MTREX: variants seen among roughly 807,000 people sequenced by gnomAD.
MTREX encodes the protein exosome RNA helicase MTR4.
MTREX carries 76 observed loss-of-function variants against 135.4 expected under a neutral mutation model. That is an observed-to-expected ratio of 0.56 (90% CI 0.47 to 0.68). MTREX has a LOEUF of 0.68. Among genes scored for constraint, MTREX ranks in the 30% least tolerant of loss-of-function variants. The pLI is 0.00. For missense variants in MTREX, 920 were observed against 1,262.1 expected (o/e 0.73, Z 4.11); for synonymous variants, 404 against 401.6 (o/e 1.01, Z -0.07).
intron 5 of MTREX, among the ~76,000 whole-genome samples, chr5:55,334,972 A>C (rs1749532037): frequency 6.6e-6 from 1 of 152,022 alleles, no homozygotes; most frequent in African/African-American, 2.4e-5. Context: ...CCAGTAATGT[A>C]TGAGGGTGCC....
At chr5:55,385,980 T>G (rs1750472724) in intron 18 of MTREX, among the ~76,000 whole-genome samples, 1 of 152,162 alleles carries the variant, frequency 6.6e-6, no homozygotes. Flanking sequence ...ATGGTGAAAC[T>G]AATTTTTCCA....
chr5:55,392,188 T>G (rs1750580799), intron 19 of MTREX, among the ~76,000 whole-genome samples: 1 of 152,132 alleles, frequency 6.6e-6, no homozygotes, highest in Non-Finnish European at 1.5e-5. Flanking sequence ...GGTCTCTGCT[T>G]GGTTAGTTTA....
intron 15 of MTREX, among the ~76,000 whole-genome samples, chr5:55,361,387 T>C (rs1364934092): frequency 2.0e-5 from 3 of 152,228 alleles, no homozygotes; most frequent in South Asian, 2.1e-4. Context: ...GCAAAATACA[T>C]GTGTTTGTTG....
chr5:55,357,990 A>G (rs1178156276), intron 14 of MTREX, among the ~76,000 whole-genome samples: 5 of 152,234 alleles, frequency 3.3e-5, no homozygotes, highest in Non-Finnish European at 1.5e-5. Context: ...AAAGTTAATT[A>G]TGATCAAGTC....
intron 16 of MTREX, 42 bp downstream of exon 16, chr5:55,366,917 G>GCT: frequency 1.4e-6 from 2 of 1,449,050 alleles, no homozygotes; most frequent in Non-Finnish European, 1.9e-6. Context: ...GTAGCTAGGA[G>GCT]ACTGACTAGC....
intron 16 of MTREX, among the ~76,000 whole-genome samples, chr5:55,371,141 T>C (rs1260635397): frequency 6.6e-6 from 1 of 152,092 alleles, no homozygotes; most frequent in Non-Finnish European, 1.5e-5. Flanking sequence ...TAAATGAGGG[T>C]TTGAATCAAG....
chr5:55,345,784 C>T, intron 10 of MTREX, among the ~76,000 whole-genome samples: 1 of 150,858 alleles, frequency 6.6e-6, no homozygotes, highest in Non-Finnish European at 1.5e-5. Flanking sequence ...TCTCCTGCCT[C>T]AGCCTCCCAA....
At chr5:55,377,176 A>T (rs1750317075) in intron 16 of MTREX, among the ~76,000 whole-genome samples, 1 of 152,012 alleles carries the variant, frequency 6.6e-6, no homozygotes, top group Non-Finnish European at 1.5e-5. Context: ...AAAATACAAA[A>T]ATTAGCTGGG....
chr5:55,348,068 C>T (rs1749767643), intron 11 of MTREX, among the ~76,000 whole-genome samples: 1 of 152,132 alleles, frequency 6.6e-6, no homozygotes. Context: ...TGGGTGGGGA[C>T]ACAGAGCCAA....
chr5:55,367,513 A>G (rs1466709505), intron 16 of MTREX, among the ~76,000 whole-genome samples: 2 of 151,852 alleles, frequency 1.3e-5, no homozygotes, highest in Middle Eastern at 3.4e-3. Context: ...GCACATGCCT[A>G]TTAGCCTTGT....
At chr5:55,313,904 A>G (rs1749156855) in intron 1 of MTREX, among the ~76,000 whole-genome samples, 2 of 152,136 alleles carry the variant, frequency 1.3e-5, no homozygotes, top group African/African-American at 4.8e-5. Context: ...TTCTTGTGCA[A>G]AAGGTAGCAT....
At chr5:55,356,513 C>A in intron 14 of MTREX, 1 of 202,106 alleles carries the variant, frequency 4.9e-6, no homozygotes, top group Non-Finnish European at 1.1e-5. Context: ...CCGTGTTTAC[C>A]ACCCACAAGT....
At position 55,425,347 on chromosome 5, in the gene MTREX, A is replaced by ATATT; in HGVS notation, c.*578_*581dup. Reference sequence around the variant, plus strand: ...ATACATATACAGCCTACAGTGCAAAATATTTAATGGTATAATTTAGATCAA... The same window carrying ATATT: ...ATACATATACAGCCTACAGTGCAAAATATTTATTTAATGGTATAATTTAGATCAA... On this transcript the variant is annotated 3_prime_UTR_variant, in exon 27 of 27. Transcript: ENST00000230640. 6.3e-7 allele frequency: 1 copy of ATATT among 1,579,682 alleles called. No individual in the cohort carries two copies. Among genetic ancestry groups the ATATT allele is most frequent in the South Asian group, 1.1e-5 (1 of 88,644 alleles).
chr5:55,322,337 G>A lies in MTREX; in HGVS notation c.145G>A (p.Asp49Asn). ...GSADKAGKRF[D>N]GKLQSESTNN... ...CTATTTACTTTTCAGGAAACGTTTT[G>A]ATGGTAAATTACAATCAGAATCAAC... The change falls in exon 2 of 27, where the codon GAT becomes AAT. Residue 49 changes from aspartate to asparagine, a missense_variant. Around this residue, in one of 6 missense-constraint regions of MTREX, gnomAD observed 136 missense variants for 126.7 expected, o/e 1.07. Coordinates refer to ENST00000230640, the MANE Select transcript of MTREX (RefSeq NM_015360.5). The A allele has an allele frequency of 1.3e-6, 2 of 1,598,474 alleles. No individual in the cohort carries two copies. Among genetic ancestry groups the A allele is most frequent in the Non-Finnish European group, 1.7e-6 (2 of 1,174,938 alleles).
chr5:55,315,540 GACA>G (rs200483018), intron 1 of MTREX, among the ~76,000 whole-genome samples: 2,946 of 151,938 alleles, frequency 0.019, 53 homozygotes, highest in Middle Eastern at 0.038. Context: ...TTTCGAGACA[GACA>G]ACAACAACAA....
chr5:55,369,812 A>G (rs1377625931), intron 16 of MTREX, among the ~76,000 whole-genome samples: 1 of 152,196 alleles, frequency 6.6e-6, no homozygotes, highest in African/African-American at 2.4e-5. Flanking sequence ...GCCACTGTAT[A>G]GCCAGTCACT....
chr5:55,316,429 T>A (rs1371138414), intron 1 of MTREX, among the ~76,000 whole-genome samples: 1 of 152,118 alleles, frequency 6.6e-6, no homozygotes, highest in Non-Finnish European at 1.5e-5. Context: ...AAAAAGCTAA[T>A]CCACCATGAC....
In MTREX at chr5:55,379,190, G is replaced by A. The variant is rs756136619; in HGVS notation, c.2047G>A (p.Val683Ile). The change falls in exon 18 of 27, where the codon GTT (valine) becomes ATT (isoleucine). Residue 683 changes from valine to isoleucine, a missense_variant. By Grantham distance (29) the Val-to-Ile change is conservative. This residue lies in a region of MTREX where 467 missense variants were observed against 589.7 expected (regional missense o/e 0.79). Coordinates refer to ENST00000230640, the MANE Select transcript of MTREX (RefSeq NM_015360.5). ...GGTGAATTTCTCAAAAAAGTCAAATGTTAAGGTAAACTATTATCTTTAAAT... is the reference window on the plus strand; with the variant it reads ...GGTGAATTTCTCAAAAAAGTCAAATATTAAGGTAAACTATTATCTTTAAAT... ...VVVNFSKKSN[V>I]KPNSGELDPL... The A allele has an allele frequency of 3.2e-6, 5 of 1,572,712 alleles. No homozygotes were observed. Among genetic ancestry groups the A allele is most frequent in the African/African-American group, 1.3e-5 (1 of 74,150 alleles).
intron 15 of MTREX, among the ~76,000 whole-genome samples, chr5:55,364,665 G>A (rs1750070136): frequency 6.6e-6 from 1 of 152,172 alleles, no homozygotes; most frequent in South Asian, 2.1e-4. Flanking sequence ...TGTTAGGATG[G>A]TAGTTGTCAT....
Sources: gnomAD v4.1 joint callset for allele counts (sites outside exome capture counted in the v4.1 genomes callset) on GRCh38, gnomAD v4.1.1 for gene constraint, gnomAD v4.1.1 regional missense constraint, MANE v1.5 for transcripts, NCBI Gene and HGNC (gene_info 2026-07-23, HGNC 2026-07-21) for gene names.